Variants in PDLIM5 observed in about 807,000 individuals in gnomAD.
PDLIM5 encodes the protein PDZ and LIM domain protein 5.
PDLIM5 carries 34 observed loss-of-function variants against 64.2 expected under a neutral mutation model. That is an observed-to-expected ratio of 0.53 (90% confidence interval 0.40 to 0.71). The LOEUF (loss-of-function observed/expected upper bound fraction) is 0.71, where lower values mean the gene tolerates loss of function less well. Among genes scored for constraint, PDLIM5 ranks in the 30% least tolerant of loss-of-function variants. The pLI is 0.00. For missense variants in PDLIM5, 683 were observed against 733.6 expected (o/e 0.93, Z 0.80); for synonymous variants, 253 against 269.1 (o/e 0.94, Z 0.59).
At chr4:94,560,641 G>A (rs1351155770) in intron 3 of PDLIM5, among the ~76,000 whole-genome samples, 1 of 152,110 alleles carries the variant, frequency 6.6e-6, no homozygotes, top group Non-Finnish European at 1.5e-5. Flanking sequence ...TTAGAATCTG[G>A]GCAGTCTGCT....
chr4:94,491,980 G>A (rs917698485), intron 2 of PDLIM5, among the ~76,000 whole-genome samples: 1 of 151,642 alleles, frequency 6.6e-6, no homozygotes, highest in Non-Finnish European at 1.5e-5. Context: ...CTGTGCTATA[G>A]GTCTCAAAAC....
Position 94,477,568 on chromosome 4 carries a change from T to A in PDLIM5, c.96+22184T>A, listed in dbSNP as rs114548105. ...CTTGGAGGAAAAGAGTAAGACTGGC[T>A]TTTATTTTAAAGTAGTTTTTAAAAT... On this transcript the variant is annotated intron_variant, in intron 2 of 12. Transcript: ENST00000317968. Among the ~76,000 whole-genome samples, 425 of 152,320 alleles carry A rather than the reference T, an allele frequency of 2.8e-3. 1 individual carries two copies. Among genetic ancestry groups the A allele is most frequent in the Non-Finnish European group, 4.7e-3 (322 of 68,018 alleles).
chr4:94,507,644 CTG>C (rs1728503848), intron 2 of PDLIM5, among the ~76,000 whole-genome samples: 1 of 152,130 alleles, frequency 6.6e-6, no homozygotes, highest in Non-Finnish European at 1.5e-5. Context: ...GTTGGTAGTA[CTG>C]ATAATTTTTG....
At position 94,587,063 on chromosome 4, in the gene PDLIM5, G is replaced by A. The variant is rs1028454347; in HGVS notation, c.920+619G>A. ...GACTGGCACCATGAAGTTTCAGCAC[G>A]TGCTCTTAACGTACAGTGATTTATG... On this transcript the variant is annotated intron_variant, in intron 7 of 12. Transcript: ENST00000317968. 3.1e-6 allele frequency: 5 copies of A among 1,606,380 alleles called. No individual in the cohort carries two copies. In the East Asian group the frequency reaches 6.7e-5, roughly 22 times the overall value.
chr4:94,635,947 G>A (rs1740524376), intron 8 of PDLIM5, among the ~76,000 whole-genome samples: 1 of 152,216 alleles, frequency 6.6e-6, no homozygotes, highest in Admixed American at 6.5e-5. Flanking sequence ...AGCAACAAAT[G>A]GAGGTGTGAG....
At chr4:94,510,553 C>T (rs1205828822) in intron 2 of PDLIM5, among the ~76,000 whole-genome samples, 1 of 152,046 alleles carries the variant, frequency 6.6e-6, no homozygotes, top group Non-Finnish European at 1.5e-5. Context: ...AGTTTTACTT[C>T]TGTATGTTTA....
At chr4:94,596,152 T>G (rs1231364627) in intron 7 of PDLIM5, among the ~76,000 whole-genome samples, 1 of 152,188 alleles carries the variant, frequency 6.6e-6, no homozygotes. Flanking sequence ...TAAAAATTAT[T>G]GAGCCAAGAA....
intron 2 of PDLIM5, among the ~76,000 whole-genome samples, chr4:94,493,879 T>A (rs1293059017): frequency 6.6e-6 from 1 of 152,210 alleles, no homozygotes; most frequent in Non-Finnish European, 1.5e-5. Flanking sequence ...GACTACGTAC[T>A]TGACTCCAGA....
chr4:94,627,048 T>A (rs1421569016), intron 8 of PDLIM5, among the ~76,000 whole-genome samples: 1 of 152,214 alleles, frequency 6.6e-6, no homozygotes, highest in African/African-American at 2.4e-5. Flanking sequence ...GGTTCCATTT[T>A]AAAATTTTTA....
At chr4:94,618,213 C>G in intron 8 of PDLIM5, 22 bp downstream of exon 8, 1 of 1,521,402 alleles carries the variant, frequency 6.6e-7, no homozygotes, top group Non-Finnish European at 8.9e-7. Flanking sequence ...AAATCTCTTG[C>G]GTCTTGCTTT....
At chr4:94,591,459 G>T (rs1212713145) in intron 7 of PDLIM5, among the ~76,000 whole-genome samples, 1 of 152,150 alleles carries the variant, frequency 6.6e-6, no homozygotes, top group Non-Finnish European at 1.5e-5. Flanking sequence ...CACTTCAGTG[G>T]AGGACTTGAT....
intron 5 of PDLIM5, chr4:94,582,785 T>A: frequency 8.4e-7 from 1 of 1,194,166 alleles, no homozygotes; most frequent in Non-Finnish European, 1.2e-6. Flanking sequence ...CTTTCCTTCT[T>A]GCTTTCAATT....
intron 7 of PDLIM5, among the ~76,000 whole-genome samples, chr4:94,588,609 C>T (rs1276856248): frequency 7.0e-6 from 1 of 143,112 alleles, no homozygotes; most frequent in Admixed American, 6.9e-5. Context: ...ATAAATAAGA[C>T]ACAGTAAAGG....
At chr4:94,660,717 A>C (rs1211721915) in intron 11 of PDLIM5, among the ~76,000 whole-genome samples, 1 of 152,180 alleles carries the variant, frequency 6.6e-6, no homozygotes, top group Non-Finnish European at 1.5e-5. Context: ...GCTAAGGAAT[A>C]CTAAAGATTG....
At chr4:94,663,920 G>T (rs1394021306) in intron 12 of PDLIM5, 58 bp from the exon 13 acceptor site, 21 of 1,542,864 alleles carry the variant, frequency 1.4e-5, no homozygotes, top group Non-Finnish European at 1.8e-5. Context: ...AGCATACTGG[G>T]TAAAATCCTC....
At chr4:94,491,006 C>A (rs898233137) in intron 2 of PDLIM5, among the ~76,000 whole-genome samples, 3 of 152,186 alleles carry the variant, frequency 2.0e-5, no homozygotes, top group South Asian at 2.1e-4. Flanking sequence ...ACTCATTATA[C>A]CCTACCTCTA....
At chr4:94,469,454 A>G (rs1396960323) in intron 2 of PDLIM5, among the ~76,000 whole-genome samples, 1 of 152,186 alleles carries the variant, frequency 6.6e-6, no homozygotes, top group East Asian at 1.9e-4. Context: ...TAGCAAGTGC[A>G]GGGGCCTTGA....
At chr4:94,496,097 A>G (rs963770145) in intron 2 of PDLIM5, among the ~76,000 whole-genome samples, 1 of 151,962 alleles carries the variant, frequency 6.6e-6, no homozygotes, top group African/African-American at 2.4e-5. Context: ...CATTGTAGTT[A>G]TTTGTCCATC....
rs921916376 is a variant in PDLIM5, at chr4:94,659,588, C to T, written c.1585+2041C>T. ...TGTCGCCCAGGCTGGAGTGCAGTGGCGCAATCTTGGCTCACTGCAAGCTCT... is the reference window on the plus strand; with the variant it reads ...TGTCGCCCAGGCTGGAGTGCAGTGGTGCAATCTTGGCTCACTGCAAGCTCT... On this transcript the variant is annotated intron_variant, in intron 11 of 12. Coordinates refer to ENST00000317968, the MANE Select transcript of PDLIM5 (RefSeq NM_006457.5). 3.3e-5 allele frequency among the ~76,000 whole-genome samples: 5 copies of T among 151,478 alleles called. 1 individual carries two copies. The highest frequency in any genetic ancestry group is 4.2e-4 in the South Asian group (2 of 4,788).
Sources: gnomAD v4.1 joint callset for allele counts (sites outside exome capture counted in the v4.1 genomes callset) on GRCh38, gnomAD v4.1.1 for gene constraint, MANE v1.5 for transcripts, NCBI Gene and HGNC (gene_info 2026-07-23, HGNC 2026-07-21) for gene names.